MAOA: variants seen among roughly 807,000 people sequenced by gnomAD.
MAOA encodes the protein monoamine oxidase A.
A neutral mutation model predicts 42.0 loss-of-function variants in MAOA; 6 were observed. The observed-to-expected ratio is 0.14, with a 90% confidence interval of 0.08 to 0.28. MAOA has a LOEUF of 0.28. Among genes scored for constraint, MAOA ranks in the 10% least tolerant of loss-of-function variants. The probability of loss-of-function intolerance (pLI) is 1.00; values close to 1 mark genes in which losing one functional copy is unlikely to be tolerated. For synonymous variants in MAOA, 140 were observed against 154.0 expected (o/e 0.91, Z 0.67); for missense variants, 262 against 422.3 (o/e 0.62, Z 3.33).
chrX:43,730,763 AG>A (rs1420889703), intron 6 of MAOA, among the ~76,000 whole-genome samples: 1 of 110,776 alleles, frequency 9.0e-6, no homozygotes, highest in Admixed American at 9.6e-5. Context: ...TATCCCTAAA[AG>A]CACCCTGTAA....
At chrX:43,694,281 G>A (rs3027395) in intron 3 of MAOA, among the ~76,000 whole-genome samples, 1 of 111,238 alleles carries the variant, frequency 9.0e-6, no homozygotes, top group Non-Finnish European at 1.9e-5. Context: ...ACTCCACCTC[G>A]GGCAATAACT....
chrX:43,678,718 T>A (rs2033420184), intron 1 of MAOA, among the ~76,000 whole-genome samples: 1 of 111,996 alleles, frequency 8.9e-6, no homozygotes, highest in South Asian at 3.7e-4. Context: ...ACTTACATCT[T>A]AAAGTAGGAA....
At position 43,694,153 on chromosome X, in the gene MAOA, C is replaced by T. The variant is rs756009495; in HGVS notation, c.306+725C>T. Among the ~76,000 whole-genome samples the T allele has an allele frequency of 2.7e-5, 3 of 111,826 alleles. No individual in the cohort carries two copies. In the East Asian group the frequency reaches 8.5e-4, roughly 32 times the overall value. Reference sequence around the variant, plus strand: ...TTGAGAAATCAAAGTTCCCATCTGACATTGCAGCCTACTTCCTAGAGCTAG... The same window carrying T: ...TTGAGAAATCAAAGTTCCCATCTGATATTGCAGCCTACTTCCTAGAGCTAG... On this transcript the variant is annotated intron_variant, in intron 3 of 14. Coordinates refer to ENST00000338702, the MANE Select transcript of MAOA (RefSeq NM_000240.4).
At chrX:43,709,840 A>C (rs2033686710) in intron 3 of MAOA, among the ~76,000 whole-genome samples, 1 of 111,641 alleles carries the variant, frequency 9.0e-6, no homozygotes, top group African/African-American at 3.3e-5. Context: ...GTCGTCTTCC[A>C]CCCCTGAAGC....
At position 43,730,487 on chromosome X, in the gene MAOA, CT is replaced by C. The variant is rs1232538202; in HGVS notation, c.646-732del. Among the ~76,000 whole-genome samples the C allele has an allele frequency of 7.5e-3, 632 of 84,758 alleles. 1 individual carries two copies. Among genetic ancestry groups the C allele is most frequent in the African/African-American group, 0.015 (345 of 23,036 alleles). The allele number at this position is 84,758 out of a possible 115,157, so 73.6% of individuals were successfully genotyped here. ...TTACTCAAGATCTGATATTCCGAAT[CT>C]TTTTTTTTTTTTTTTTTTTTTGAGA... is the stretch of plus-strand genomic sequence containing the variant. On this transcript the variant is annotated intron_variant, in intron 6 of 14. Coordinates refer to ENST00000338702, the MANE Select transcript of MAOA (RefSeq NM_000240.4).
intron 3 of MAOA, among the ~76,000 whole-genome samples, chrX:43,706,455 C>T (rs55873752): frequency 0.078 from 8,567 of 110,339 alleles, 860 homozygotes; most frequent in African/African-American, 0.27. Flanking sequence ...TAACTAGAAT[C>T]CCTTGGAGAA....
intron 1 of MAOA, among the ~76,000 whole-genome samples, chrX:43,672,239 C>T (rs1318341560): frequency 9.0e-6 from 1 of 111,408 alleles, no homozygotes; most frequent in Non-Finnish European, 1.9e-5. Flanking sequence ...ATTTGGCTCT[C>T]TGTTTGTCTG....
intron 5 of MAOA, among the ~76,000 whole-genome samples, chrX:43,718,008 G>A (rs2033758201): frequency 9.0e-6 from 1 of 110,555 alleles, no homozygotes; most frequent in Admixed American, 9.6e-5. Flanking sequence ...GATGTTTTAG[G>A]AAGAAGGTGG....
chrX:43,726,763 T>C (rs2033839907), intron 5 of MAOA, among the ~76,000 whole-genome samples: 1 of 112,044 alleles, frequency 8.9e-6, no homozygotes, highest in Admixed American at 9.5e-5. Context: ...CGTTCTGGTT[T>C]TTGGAATTTT....
intron 2 of MAOA, among the ~76,000 whole-genome samples, chrX:43,689,027 G>A (rs1433731747): frequency 7.2e-5 from 8 of 111,319 alleles, no homozygotes; most frequent in African/African-American, 2.3e-4. Context: ...TCTTTATTCT[G>A]ACTTTTTTTC....
intron 8 of MAOA, among the ~76,000 whole-genome samples, 179 bp from the exon 9 acceptor site, chrX:43,732,520 T>G (rs1363534191): frequency 9.4e-6 from 1 of 106,442 alleles, no homozygotes; most frequent in African/African-American, 3.5e-5. Flanking sequence ...TGTCTGTGGG[T>G]GAATAGACAT....
At chrX:43,668,273 C>T (rs150278997) in intron 1 of MAOA, among the ~76,000 whole-genome samples, 1,140 of 112,379 alleles carry the variant, frequency 0.01, 16 homozygotes, top group African/African-American at 0.034. Flanking sequence ...TACATTTCTT[C>T]TGTAAAAGTT....
intron 5 of MAOA, among the ~76,000 whole-genome samples, chrX:43,718,032 T>C (rs1048888828): frequency 8.2e-5 from 9 of 110,239 alleles, no homozygotes; most frequent in Non-Finnish European, 1.3e-4. Context: ...CATCCCAAGA[T>C]AACCAAGAGG....
At chrX:43,732,914 T>C (rs2033893626) in intron 9 of MAOA, 119 bp downstream of exon 9, 3 of 544,757 alleles carry the variant, frequency 5.5e-6, no homozygotes, top group Non-Finnish European at 1.0e-5. Flanking sequence ...GCTATCAAAA[T>C]ATATAATGTT....
chrX:43,673,922 G>A (rs1358015467), intron 1 of MAOA, among the ~76,000 whole-genome samples: 1 of 112,565 alleles, frequency 8.9e-6, no homozygotes, highest in East Asian at 2.8e-4. Flanking sequence ...TGTATATTCT[G>A]TTGATTTGGG....
chrX:43,735,088 A>C (rs1019353856), intron 9 of MAOA, among the ~76,000 whole-genome samples: 5 of 111,953 alleles, frequency 4.5e-5, no homozygotes, highest in Non-Finnish European at 1.9e-5. Context: ...CTTTCTCTGA[A>C]ATACTATTCT....
intron 3 of MAOA, among the ~76,000 whole-genome samples, chrX:43,696,046 G>T (rs1482883088): frequency 8.9e-6 from 1 of 112,032 alleles, no homozygotes; most frequent in Non-Finnish European, 1.9e-5. Context: ...AGATGTAATT[G>T]TTCTGTACTT....
intron 3 of MAOA, among the ~76,000 whole-genome samples, chrX:43,707,932 A>C (rs1267969256): frequency 3.6e-5 from 4 of 111,996 alleles, no homozygotes; most frequent in Non-Finnish European, 7.5e-5. Flanking sequence ...CCAACGTGCC[A>C]ATCAGGAAAT....
chrX:43,689,073 T>TTTTA (rs1210884895), intron 2 of MAOA, among the ~76,000 whole-genome samples: 3 of 110,474 alleles, frequency 2.7e-5, no homozygotes, highest in East Asian at 2.8e-4. Context: ...GGTACAGGAT[T>TTTTA]TTTATTTATT....
Sources: allele counts gnomAD v4.1 joint callset (sites outside exome capture counted in the v4.1 genomes callset), GRCh38; gene constraint gnomAD v4.1.1; transcripts MANE v1.5; gene names NCBI Gene and HGNC (gene_info 2026-07-23, HGNC 2026-07-21).